Variants in CDK17 observed in about 807,000 individuals in gnomAD.
The protein encoded by CDK17 is cyclin-dependent kinase 17.
A neutral mutation model predicts 77.6 loss-of-function variants in CDK17; 24 were observed. That is an observed-to-expected ratio of 0.31 (90% CI 0.22 to 0.44). The LOEUF (loss-of-function observed/expected upper bound fraction) is 0.44. Ranked by LOEUF, CDK17 falls within the 20% of genes least tolerant of loss-of-function variation. CDK17 has a pLI of 1.00. For synonymous variants in CDK17, 203 were observed against 210.4 expected (o/e 0.96, Z 0.30); for missense variants, 429 against 622.5 (o/e 0.69, Z 3.31).
intron 3 of CDK17, among the ~76,000 whole-genome samples, chr12:96,316,248 C>A (rs148997590): frequency 1.3e-5 from 2 of 152,128 alleles, no homozygotes; most frequent in Non-Finnish European, 2.9e-5. Flanking sequence ...CTTGTCAGAC[C>A]GGCTTAAAAA....
At chr12:96,338,345 A>G (rs1953074777) in intron 1 of CDK17, among the ~76,000 whole-genome samples, 1 of 152,216 alleles carries the variant, frequency 6.6e-6, no homozygotes, top group African/African-American at 2.4e-5. Flanking sequence ...TCTTTTAGCC[A>G]TAACAAATCA....
chr12:96,296,004 G>T (rs142741541), intron 9 of CDK17, among the ~76,000 whole-genome samples: 2 of 152,068 alleles, frequency 1.3e-5, no homozygotes, highest in Non-Finnish European at 2.9e-5. Context: ...GCAGGTCAAC[G>T]GTATGCCTGA....
At chr12:96,293,727 T>C (rs1159313053) in intron 10 of CDK17, among the ~76,000 whole-genome samples, 1 of 152,234 alleles carries the variant, frequency 6.6e-6, no homozygotes, top group African/African-American at 2.4e-5. Context: ...CATTAGCCAT[T>C]TGGAAAACAG....
chr12:96,394,895 G>A (rs1338980714), intron 1 of CDK17, among the ~76,000 whole-genome samples: 1 of 134,640 alleles, frequency 7.4e-6, no homozygotes, highest in Non-Finnish European at 1.6e-5. Context: ...TTTTTCCCCC[G>A]AGACAGAGTC....
intron 1 of CDK17, among the ~76,000 whole-genome samples, chr12:96,356,216 A>G (rs1300714165): frequency 6.6e-6 from 1 of 152,240 alleles, no homozygotes; most frequent in African/African-American, 2.4e-5. Flanking sequence ...AATTATTTCA[A>G]AGGCCAAAAA....
At chr12:96,364,072 C>T (rs1027489343) in intron 1 of CDK17, among the ~76,000 whole-genome samples, 5 of 152,168 alleles carry the variant, frequency 3.3e-5, no homozygotes, top group African/African-American at 1.2e-4. Context: ...TGAGATTAAT[C>T]TATGTTGTTC....
At chr12:96,317,347 G>A (rs1203651091) in intron 3 of CDK17, among the ~76,000 whole-genome samples, 1 of 115,664 alleles carries the variant, frequency 8.6e-6, no homozygotes, top group Non-Finnish European at 1.8e-5. Context: ...GTGATGCGGA[G>A]AATGGAACCA....
chr12:96,322,210 A>C (rs899175675), intron 3 of CDK17, among the ~76,000 whole-genome samples: 1 of 152,186 alleles, frequency 6.6e-6, no homozygotes, highest in Non-Finnish European at 1.5e-5. Flanking sequence ...CAAGGGGGGA[A>C]GAGGGATATC....
intron 5 of CDK17, among the ~76,000 whole-genome samples, chr12:96,308,830 A>G (rs1213012737): frequency 6.6e-6 from 1 of 151,648 alleles, no homozygotes; most frequent in Non-Finnish European, 1.5e-5. Flanking sequence ...CTCTTCCTTC[A>G]GGTGCAAAGT....
At chr12:96,348,536 AAAAAAAC>A (rs1354314096) in intron 1 of CDK17, among the ~76,000 whole-genome samples, 9 of 151,248 alleles carry the variant, frequency 6.0e-5, no homozygotes, top group East Asian at 5.8e-4. Context: ...AAAAAAAAAA[AAAAAAAC>A]AAAAAAGAAA....
chr12:96,286,551 CTG>C, intron 12 of CDK17, 111 bp downstream of exon 12: 1 of 663,444 alleles, frequency 1.5e-6, no homozygotes, highest in Non-Finnish European at 2.6e-6. Flanking sequence ...TAACTAACAG[CTG>C]TTTATGTTAG....
intron 1 of CDK17, among the ~76,000 whole-genome samples, chr12:96,392,022 T>C (rs897806961): frequency 2.5e-4 from 38 of 152,096 alleles, no homozygotes; most frequent in African/African-American, 9.2e-4. Context: ...AATTTAAGAG[T>C]ATGATAATAC....
intron 1 of CDK17, among the ~76,000 whole-genome samples, chr12:96,398,830 G>C (rs1954212468): frequency 6.6e-6 from 1 of 152,206 alleles, no homozygotes; most frequent in South Asian, 2.1e-4. Flanking sequence ...ATTTGACGAA[G>C]AGGTGATAGA....
intron 3 of CDK17, among the ~76,000 whole-genome samples, chr12:96,320,426 A>G (rs1952800193): frequency 6.7e-6 from 1 of 149,828 alleles, no homozygotes; most frequent in East Asian, 2.0e-4. Context: ...CAAGCTACCA[A>G]TGACTTTCTT....
intron 1 of CDK17, among the ~76,000 whole-genome samples, chr12:96,339,704 C>T (rs61939061): frequency 3.0e-4 from 46 of 152,046 alleles, no homozygotes; most frequent in Non-Finnish European, 1.5e-4. Flanking sequence ...CCGAGGTGAG[C>T]GGATCACTTG....
intron 1 of CDK17, among the ~76,000 whole-genome samples, chr12:96,343,864 A>C (rs777011785): frequency 2.0e-5 from 3 of 152,230 alleles, no homozygotes; most frequent in African/African-American, 4.8e-5. Flanking sequence ...AGCATTTGAC[A>C]GAAACCTGAA....
At chr12:96,281,100 ACT>A (rs1478604766) in intron 15 of CDK17, among the ~76,000 whole-genome samples, 1 of 152,098 alleles carries the variant, frequency 6.6e-6, no homozygotes, top group Non-Finnish European at 1.5e-5. Context: ...TCTTCTTCCA[ACT>A]CTGTGTCAGA....
At chr12:96,384,954 G>A (rs529520085) in intron 1 of CDK17, among the ~76,000 whole-genome samples, 3 of 149,532 alleles carry the variant, frequency 2.0e-5, no homozygotes, top group South Asian at 2.1e-4. Flanking sequence ...AGGCTGCAGT[G>A]AGCCATGATC....
In CDK17 at chr12:96,279,616, C is replaced by G. The variant is rs949638064; in HGVS notation, c.*626G>C. The G allele has an allele frequency of 6.6e-6, 1 of 152,286 alleles. No homozygotes were observed. Among genetic ancestry groups the G allele is most frequent in the Non-Finnish European group, 1.5e-5 (1 of 68,002 alleles). 9.4% of individuals were successfully genotyped at this position (152,286 alleles called of 1,614,324 possible). A position where few individuals can be genotyped will look rare whatever the true frequency, so the allele number is the denominator to read the frequency against. ...ATGTCAGGGATTCACTTGCTTGAAT[C>G]AACTTCTGCATCACATGCTTATCTA... On this transcript the variant is annotated 3_prime_UTR_variant, in exon 17 of 17. Transcript: ENST00000261211.
Sources: gnomAD v4.1 joint callset for allele counts (sites outside exome capture counted in the v4.1 genomes callset) on GRCh38, gnomAD v4.1.1 for gene constraint, MANE v1.5 for transcripts, NCBI Gene and HGNC (gene_info 2026-07-23, HGNC 2026-07-21) for gene names.